NTM: variants seen among roughly 807,000 people sequenced by gnomAD.
NTM encodes the protein IgLON family member 2.
Under a neutral mutation model 42.1 loss-of-function variants are expected in NTM, and 13 were observed. That is an observed-to-expected ratio of 0.31 (90% confidence interval 0.20 to 0.49). The LOEUF is 0.49. Among genes scored for constraint, NTM ranks in the 20% least tolerant of loss-of-function variants. The pLI, the probability that NTM is intolerant of heterozygous loss-of-function variation, is 0.99. For synonymous variants in NTM, 187 were observed against 179.2 expected (o/e 1.04, Z -0.35); for missense variants, 373 against 452.8 (o/e 0.82, Z 1.60).
At chr11:131,788,707 C>T (rs1286837640) in intron 1 of NTM, among the ~76,000 whole-genome samples, 2 of 152,182 alleles carry the variant, frequency 1.3e-5, no homozygotes, top group African/African-American at 2.4e-5. Flanking sequence ...TCCTCCTCCC[C>T]ACTTACCTCA....
At chr11:131,416,048 A>G (rs923658920) in intron 1 of NTM, among the ~76,000 whole-genome samples, 5 of 152,366 alleles carry the variant, frequency 3.3e-5, no homozygotes, top group Middle Eastern at 3.4e-3. Flanking sequence ...TAGTACAAGT[A>G]TGCTCCAGAA....
chr11:131,378,028 G>A (rs781370493), intron 1 of NTM, among the ~76,000 whole-genome samples: 1 of 152,218 alleles, frequency 6.6e-6, no homozygotes, highest in Non-Finnish European at 1.5e-5. Flanking sequence ...TACTCTGTCT[G>A]AAAGCCAGTG....
intron 1 of NTM, among the ~76,000 whole-genome samples, chr11:131,870,965 A>G (rs1246903450): frequency 1.3e-5 from 2 of 152,226 alleles, no homozygotes; most frequent in East Asian, 1.9e-4. Context: ...GGTCTATTTA[A>G]GGACCTGACC....
intron 1 of NTM, among the ~76,000 whole-genome samples, chr11:131,491,503 A>G (rs1271612416): frequency 6.6e-6 from 1 of 152,110 alleles, no homozygotes; most frequent in Non-Finnish European, 1.5e-5. Context: ...GTAATTGCAT[A>G]TTCTTTTCTT....
intron 2 of NTM, among the ~76,000 whole-genome samples, chr11:132,129,698 C>T (rs1022314760): frequency 1.1e-4 from 17 of 152,194 alleles, no homozygotes; most frequent in African/African-American, 4.1e-4. Flanking sequence ...CTTCAGTGCA[C>T]ACACAGAATA....
chr11:132,225,124 G>A (rs1280239840), intron 4 of NTM, among the ~76,000 whole-genome samples: 1 of 152,196 alleles, frequency 6.6e-6, no homozygotes, highest in African/African-American at 2.4e-5. Flanking sequence ...TAGGCAGAAT[G>A]AATCATCTTT....
intron 4 of NTM, among the ~76,000 whole-genome samples, chr11:132,280,475 C>CTTTTT (rs138697534): frequency 2.4e-5 from 2 of 82,444 alleles, no homozygotes; most frequent in Non-Finnish European, 2.2e-5. Context: ...ATACTCTCTT[C>CTTTTT]TTTTTTTTTT....
At chr11:131,826,324 C>A (rs2042120788) in intron 1 of NTM, among the ~76,000 whole-genome samples, 1 of 151,880 alleles carries the variant, frequency 6.6e-6, no homozygotes, top group Admixed American at 6.6e-5. Flanking sequence ...AGGAAGTCAG[C>A]AAGATAACAA....
At chr11:132,088,760 C>T (rs1329901237) in intron 2 of NTM, among the ~76,000 whole-genome samples, 1 of 152,222 alleles carries the variant, frequency 6.6e-6, no homozygotes. Context: ...GCCCCCTATG[C>T]ACAATGACTT....
intron 2 of NTM, among the ~76,000 whole-genome samples, chr11:131,956,107 A>G (rs1428949360): frequency 6.6e-6 from 1 of 152,178 alleles, no homozygotes; most frequent in Non-Finnish European, 1.5e-5. Flanking sequence ...TCTTTAGGAC[A>G]AACCTCTCTG....
Position 132,335,288 on chromosome 11 carries a change from G to A in NTM, c.*142G>A. 1.1e-6 allele frequency: 1 copy of A among 870,758 alleles called. No homozygotes were observed. The highest frequency in any genetic ancestry group is 1.7e-6 in the Non-Finnish European group (1 of 589,060). The allele number at this position is 870,758 out of a possible 1,614,324, so 53.9% of individuals were successfully genotyped here. On this transcript the variant is annotated 3_prime_UTR_variant, in exon 9 of 9. Transcript: ENST00000683400. The stretch of plus-strand genomic sequence containing the variant: ...ACAGCCTCATGGGACAGAAATTTGA[G>A]GGAGGGGAACAAAGAATACTTTGGG...
chr11:132,299,839 T>C (rs2140105485), intron 4 of NTM, among the ~76,000 whole-genome samples: 1 of 152,278 alleles, frequency 6.6e-6, no homozygotes, highest in African/African-American at 2.4e-5. Context: ...CAGATTCTCT[T>C]TTCCGCCAGC....
intron 2 of NTM, among the ~76,000 whole-genome samples, chr11:131,961,750 G>C (rs184283208): frequency 1.3e-5 from 2 of 152,312 alleles, no homozygotes; most frequent in Admixed American, 1.3e-4. Flanking sequence ...CAGACTGAGT[G>C]AGTGAGTCTT....
chr11:131,944,812 G>A (rs772409889), intron 2 of NTM, among the ~76,000 whole-genome samples: 1 of 152,216 alleles, frequency 6.6e-6, no homozygotes. Context: ...AATGTATCAT[G>A]CCACGGCATC....
At chr11:131,862,013 G>A (rs769238276) in intron 1 of NTM, among the ~76,000 whole-genome samples, 2 of 152,184 alleles carry the variant, frequency 1.3e-5, no homozygotes, top group African/African-American at 4.8e-5. Flanking sequence ...GCTGCTCTTA[G>A]TGCGGTCTCA....
chr11:131,460,526 C>T (rs1030827160), intron 1 of NTM, among the ~76,000 whole-genome samples: 1 of 152,120 alleles, frequency 6.6e-6, no homozygotes, highest in African/African-American at 2.4e-5. Context: ...CTCGATTCAT[C>T]ACACCAGGAG....
chr11:131,871,260 C>G (rs904598934), intron 1 of NTM, among the ~76,000 whole-genome samples: 2 of 152,214 alleles, frequency 1.3e-5, no homozygotes, highest in Non-Finnish European at 1.5e-5. Context: ...AGTCGCCCAG[C>G]CCAGGTGGTG....
chr11:131,883,814 C>T (rs2049933477), intron 1 of NTM, among the ~76,000 whole-genome samples: 1 of 152,160 alleles, frequency 6.6e-6, no homozygotes, highest in African/African-American at 2.4e-5. Context: ...TCCCCTACCA[C>T]CCCCTAAAAG....
intron 1 of NTM, among the ~76,000 whole-genome samples, chr11:131,839,977 T>G (rs551409360): frequency 6.6e-6 from 1 of 152,318 alleles, no homozygotes; most frequent in Admixed American, 6.5e-5. Context: ...CCTTCACACC[T>G]GGACAACTGG....
Sources: gnomAD v4.1 joint callset for allele counts (sites outside exome capture counted in the v4.1 genomes callset) on GRCh38, gnomAD v4.1.1 for gene constraint, MANE v1.5 for transcripts, NCBI Gene and HGNC (gene_info 2026-07-23, HGNC 2026-07-21) for gene names.